NOTCH2NLB: variants seen among roughly 807,000 people sequenced by gnomAD.
NOTCH2NLB encodes notch homolog 2 N-terminal-like protein B.
A neutral mutation model predicts 14.8 loss-of-function variants in NOTCH2NLB; 1 was observed. The observed-to-expected ratio is 0.07, with a 90% CI of 0.02 to 0.32. The LOEUF is 0.32. Among genes scored for constraint, NOTCH2NLB ranks in the 10% least tolerant of loss-of-function variants. NOTCH2NLB has a pLI of 1.00. For missense variants in NOTCH2NLB, 11 were observed against 155.0 expected (o/e 0.07, Z 4.93); for synonymous variants, 6 against 57.5 (o/e 0.10, Z 4.05).
chr1:148,658,551 T>A (rs1664569913), intron 1 of NOTCH2NLB, among the ~76,000 whole-genome samples: 1 of 39,000 alleles, frequency 2.6e-5, no homozygotes, highest in Admixed American at 2.1e-4. Context: ...CCAATACCAC[T>A]TTTTTTTTTT....
At chr1:148,693,115 CCTCT>C in the NOTCH2NLB span, among the ~76,000 whole-genome samples, 1 of 123,106 alleles carries the variant, frequency 8.1e-6, no homozygotes, top group African/African-American at 3.3e-5. Context: ...ATCCATTCTT[CCTCT>C]CTCTCTCTTC....
chr1:148,637,928 T>A lies in NOTCH2NLB; in HGVS notation c.77+2088A>T, dbSNP rs1234085900. Among the ~76,000 whole-genome samples the A allele has an allele frequency of 7.4e-5, 11 of 148,430 alleles. 1 individual carries two copies. Among genetic ancestry groups the A allele is most frequent in the Admixed American group, 2.0e-4 (3 of 14,996 alleles). On this transcript the variant is annotated intron_variant, in intron 2 of 4. Transcript: ENST00000593495. ...CCCTGCAAAGGACATTAACTCATTC[T>A]TTTTTATGGCTGCATACTATTCCAT...
At chr1:148,613,220 T>C (rs1282975309) in intron 3 of NOTCH2NLB, among the ~76,000 whole-genome samples, 1 of 148,706 alleles carries the variant, frequency 6.7e-6, no homozygotes, top group Non-Finnish European at 1.5e-5. Context: ...GTATGAAGAA[T>C]AGTTGTACTA....
At chr1:148,610,400 A>G in intron 3 of NOTCH2NLB, among the ~76,000 whole-genome samples, 1 of 129,578 alleles carries the variant, frequency 7.7e-6, no homozygotes, top group South Asian at 2.4e-4. Flanking sequence ...AGAAAGGGAG[A>G]AAGAAAGAAA....
rs1283890297 is a variant in NOTCH2NLB at position 148,655,870 on chromosome 1, G to A, written c.4-15781C>T. ...TATTTTGCAAACGGATATTTGAAAC[G>A]TGGGGAGTAAAAGATAAGCTACAAA... On this transcript the variant is annotated intron_variant, in intron 1 of 4. Transcript: ENST00000593495. 7.6e-5 allele frequency among the ~76,000 whole-genome samples: 11 copies of A among 144,906 alleles called. No homozygotes were observed. In the South Asian group the frequency reaches 1.2e-3, roughly 15 times the overall value.
chr1:148,679,605 C>T lies in NOTCH2NLB; in HGVS notation c.-141G>A, dbSNP rs1664894394. The T allele has an allele frequency of 1.3e-5, 14 of 1,069,314 alleles. 4 individuals carry two copies. Among genetic ancestry groups the T allele is most frequent in the African/African-American group, 9.0e-5 (5 of 55,492 alleles). The allele number at this position is 1,069,314 out of a possible 1,614,324, so 66.2% of individuals were successfully genotyped here. On this transcript the variant is annotated 5_prime_UTR_variant, in exon 1 of 5. Coordinates refer to ENST00000593495, the Ensembl canonical transcript of NOTCH2NLB. ...TGGGGAGGGGGTCCCGATAGAGGAG[C>T]CCCACTCTCTCCTCCCCTCCTCCTG...
the NOTCH2NLB span, among the ~76,000 whole-genome samples, chr1:148,686,979 G>A: frequency 1.1e-5 from 1 of 88,042 alleles, no homozygotes; most frequent in Admixed American, 1.2e-4. Context: ...CCCTGACTCA[G>A]ACCCTAGATG....
At chr1:148,638,350 A>G (rs2149616941) in intron 2 of NOTCH2NLB, among the ~76,000 whole-genome samples, 1 of 149,462 alleles carries the variant, frequency 6.7e-6, no homozygotes, top group African/African-American at 2.5e-5. Context: ...AAGACCTCAC[A>G]TTCTAGCAAA....
chr1:148,637,141 T>G (rs1165194605), intron 2 of NOTCH2NLB, among the ~76,000 whole-genome samples: 1 of 140,574 alleles, frequency 7.1e-6, no homozygotes, highest in Non-Finnish European at 1.5e-5. Context: ...CAATCTTGGC[T>G]CACTGCAAGC....
upstream of NOTCH2NLB, chr1:148,679,795 T>C (rs1664901638): frequency 2.7e-6 from 1 of 371,090 alleles, no homozygotes; most frequent in Non-Finnish European, 4.1e-6. Flanking sequence ...TCCTTCCGCC[T>C]CAGCCGCCTC....
chr1:148,703,327 T>A, the NOTCH2NLB span, among the ~76,000 whole-genome samples: 2 of 123,262 alleles, frequency 1.6e-5, no homozygotes, highest in African/African-American at 2.8e-5. Flanking sequence ...GCACTATAGG[T>A]GCTGTAGGAG....
intron 2 of NOTCH2NLB, among the ~76,000 whole-genome samples, chr1:148,628,323 G>A (rs1490228816): frequency 3.4e-4 from 41 of 121,370 alleles, no homozygotes; most frequent in African/African-American, 1.4e-3. Context: ...TGTAGTGACT[G>A]CCATTGAAAA....
At chr1:148,637,883 G>C (rs1212622316) in intron 2 of NOTCH2NLB, among the ~76,000 whole-genome samples, 1 of 148,272 alleles carries the variant, frequency 6.7e-6, no homozygotes, top group Non-Finnish European at 1.5e-5. Flanking sequence ...GAGAATGATG[G>C]CTTCCAGTTT....
Position 148,610,283 on chromosome 1 carries a change from CAGAA to C in NOTCH2NLB, c.338-2542_338-2539del, listed in dbSNP as rs1443640407. Among the ~76,000 whole-genome samples the C allele has an allele frequency of 5.4e-5, 4 of 74,546 alleles. No homozygotes were observed. The Admixed American group carries it at 5.9e-4, about 11-fold the overall frequency. The allele number at this position is 74,546 out of a possible 152,430, so 48.9% of individuals were successfully genotyped here. A position where few individuals can be genotyped will look rare whatever the true frequency, so the allele number is the denominator to read the frequency against. ...GCAACAGAGTGAGAAGAAAGAAAGACAGAAAGAGAGAGGGAAAGAGAGAGAAAGA... is the reference window on the plus strand; with the variant it reads ...GCAACAGAGTGAGAAGAAAGAAAGACAGAGAGAGGGAAAGAGAGAGAAAGA... On this transcript the variant is annotated intron_variant, in intron 3 of 4. Transcript: ENST00000593495.
chr1:148,637,516 T>C (rs1664233639), intron 2 of NOTCH2NLB, among the ~76,000 whole-genome samples: 1 of 146,400 alleles, frequency 6.8e-6, no homozygotes, highest in South Asian at 2.2e-4. Flanking sequence ...GATCTTCAAA[T>C]AGAACCAATT....
At chr1:148,638,339 T>A (rs1664263744) in intron 2 of NOTCH2NLB, among the ~76,000 whole-genome samples, 1 of 149,322 alleles carries the variant, frequency 6.7e-6, no homozygotes, top group Non-Finnish European at 1.5e-5. Context: ...TGCATAAGAC[T>A]AAGACCTCAC....
intron 2 of NOTCH2NLB, among the ~76,000 whole-genome samples, chr1:148,634,406 CA>C: frequency 7.3e-6 from 1 of 137,712 alleles, no homozygotes; most frequent in East Asian, 2.2e-4. Flanking sequence ...AATGCACTCA[CA>C]AGAAGGTGAA....
intron 1 of NOTCH2NLB, among the ~76,000 whole-genome samples, chr1:148,651,162 A>AAAATATATATATAT (rs1553341433): frequency 6.5e-5 from 3 of 46,026 alleles, no homozygotes; most frequent in Non-Finnish European, 8.3e-5. Context: ...AAAAAAAAAA[A>AAAATATATATATAT]ATATATATAT....
the NOTCH2NLB span, among the ~76,000 whole-genome samples, chr1:148,685,162 T>C: frequency 2.7e-5 from 2 of 73,844 alleles, no homozygotes; most frequent in Non-Finnish European, 5.6e-5. Flanking sequence ...AACAGTATCA[T>C]AAATTCACAA....
Sources: allele counts gnomAD v4.1 joint callset (sites outside exome capture counted in the v4.1 genomes callset), GRCh38; gene constraint gnomAD v4.1.1; transcripts MANE v1.5; gene names NCBI Gene and HGNC (gene_info 2026-07-23, HGNC 2026-07-21).